The following CABLES1 variants were observed in gnomAD, a reference collection of about 807,000 sequenced individuals.
The protein encoded by CABLES1 is Cdk5 and Abl enzyme substrate 1.
In CABLES1, 36 loss-of-function variants were observed where a neutral mutation model predicts 57.8. The ratio of observed to expected loss-of-function variants is 0.62; its 90% CI spans 0.48 to 0.82. The LOEUF is 0.82. Among genes scored for constraint, CABLES1 ranks in the 40% least tolerant of loss-of-function variants. The probability of loss-of-function intolerance (pLI) is 0.00; values close to 1 mark genes in which losing one functional copy is unlikely to be tolerated. For missense variants in CABLES1, 767 were observed against 836.6 expected (o/e 0.92, Z 1.03); for synonymous variants, 374 against 363.0 (o/e 1.03, Z -0.35).
At chr18:23,255,557 AT>A (rs397858640) in intron 9 of CABLES1, among the ~76,000 whole-genome samples, 16,377 of 132,472 alleles carry the variant, frequency 0.12, 691 homozygotes, top group Middle Eastern at 0.21. Context: ...TGAACTAATG[AT>A]TTTTTTTTTT....
At position 23,237,036 on chromosome 18, in the gene CABLES1, C is replaced by A. The variant is rs568270483; in HGVS notation, c.1343-106C>A. On this transcript the variant is annotated intron_variant, in intron 6 of 9. Transcript: ENST00000256925. The stretch of plus-strand genomic sequence containing the variant: ...TGACGTTGAGCTAAGTGCCCTAAAG[C>A]CAGCCTTTCTTCATTCCAGCTATAC... The A allele has an allele frequency of 2.2e-4, 167 of 753,206 alleles. 3 individuals carry two copies. In the South Asian group the frequency reaches 2.4e-3, roughly 11 times the overall value. The allele number at this position is 753,206 out of a possible 1,614,324, so 46.7% of individuals were successfully genotyped here. A position where few individuals can be genotyped will look rare whatever the true frequency, so the allele number is the denominator to read the frequency against.
intron 4 of CABLES1, among the ~76,000 whole-genome samples, chr18:23,234,129 A>G (rs1201136944): frequency 6.6e-6 from 1 of 152,180 alleles, no homozygotes; most frequent in Non-Finnish European, 1.5e-5. Context: ...GAGGCAGAAG[A>G]ATCGCTTGAA....
intron 1 of CABLES1, among the ~76,000 whole-genome samples, chr18:23,166,611 A>G (rs1472770235): frequency 6.6e-6 from 1 of 152,218 alleles, no homozygotes; most frequent in East Asian, 1.9e-4. Flanking sequence ...GCATAAACCT[A>G]TCACCCAGAG....
chr18:23,161,760 A>C (rs1313206490), intron 1 of CABLES1, among the ~76,000 whole-genome samples: 4 of 148,668 alleles, frequency 2.7e-5, no homozygotes, highest in African/African-American at 4.9e-5. Context: ...AATCCAAAAA[A>C]AAAAAAAAAA....
chr18:23,247,233 G>A (rs1486296685), intron 7 of CABLES1, among the ~76,000 whole-genome samples: 1 of 152,238 alleles, frequency 6.6e-6, no homozygotes, highest in Non-Finnish European at 1.5e-5. Flanking sequence ...CCTCAAGACA[G>A]GATGTGCCGG....
intron 4 of CABLES1, among the ~76,000 whole-genome samples, chr18:23,228,862 G>A (rs562550131): frequency 6.6e-6 from 1 of 152,176 alleles, no homozygotes; most frequent in South Asian, 2.1e-4. Flanking sequence ...GCTCCTCTAG[G>A]TACATGTGGC....
intron 7 of CABLES1, among the ~76,000 whole-genome samples, chr18:23,245,229 C>T (rs550769648): frequency 9.9e-5 from 15 of 152,188 alleles, no homozygotes; most frequent in South Asian, 4.2e-4. Flanking sequence ...AAGGATGGGC[C>T]GGGCGTAGTG....
intron 4 of CABLES1, among the ~76,000 whole-genome samples, chr18:23,223,195 C>T (rs1442990359): frequency 6.6e-6 from 1 of 152,192 alleles, no homozygotes; most frequent in Non-Finnish European, 1.5e-5. Context: ...GTCTGAACAT[C>T]TCCAAACCAG....
intron 1 of CABLES1, among the ~76,000 whole-genome samples, chr18:23,155,000 G>C (rs2046956447): frequency 6.6e-6 from 1 of 152,180 alleles, no homozygotes; most frequent in Non-Finnish European, 1.5e-5. Flanking sequence ...ATTTGACCCT[G>C]TTTGCTACAA....
At chr18:23,214,906 G>A (rs1297232082) in intron 4 of CABLES1, among the ~76,000 whole-genome samples, 1 of 152,150 alleles carries the variant, frequency 6.6e-6, no homozygotes, top group Non-Finnish European at 1.5e-5. Context: ...CTCTACCCCA[G>A]GCCTTCCTGC....
At chr18:23,210,061 G>A (rs931983586) in intron 3 of CABLES1, among the ~76,000 whole-genome samples, 8 of 152,194 alleles carry the variant, frequency 5.3e-5, no homozygotes, top group Admixed American at 3.9e-4. Flanking sequence ...GTTAGCTTCC[G>A]AGCACTCATG....
chr18:23,134,808 T>G (rs2046805357), upstream of CABLES1: 1 of 152,180 alleles, frequency 6.6e-6, no homozygotes, highest in African/African-American at 2.4e-5. Flanking sequence ...CGTGAGTTCG[T>G]TGGCCACATG....
chr18:23,227,837 A>T (rs757003786), intron 4 of CABLES1, among the ~76,000 whole-genome samples: 2 of 152,232 alleles, frequency 1.3e-5, no homozygotes, highest in South Asian at 4.1e-4. Context: ...TTCTCTTTGA[A>T]GGGTCTGGAA....
intron 1 of CABLES1, chr18:23,156,028 C>T (rs897064987): frequency 7.9e-6 from 12 of 1,525,090 alleles, no homozygotes; most frequent in African/African-American, 5.5e-5. Context: ...TGGATGCTGA[C>T]GGTCTTTGTT....
rs145139241 is a variant in CABLES1 at position 23,138,555 on chromosome 18, C to T, written c.845+1948C>T. Among the ~76,000 whole-genome samples, 297 of 152,312 alleles carry T rather than the reference C, an allele frequency of 1.9e-3. 1 individual carries two copies. Among genetic ancestry groups the T allele is most frequent in the Non-Finnish European group, 3.2e-3 (221 of 68,026 alleles). On this transcript the variant is annotated intron_variant, in intron 1 of 9. Transcript: ENST00000256925. ...CACTGATTTAAGAAAGGCGGAAAGG[C>T]TAGCTTAGCTGTGGAGAGGCTGCAG... is the stretch of plus-strand genomic sequence containing the variant.
chr18:23,167,174 T>G (rs528436835), intron 1 of CABLES1, among the ~76,000 whole-genome samples: 1 of 152,326 alleles, frequency 6.6e-6, no homozygotes, highest in African/African-American at 2.4e-5. Flanking sequence ...ATTTTTATGT[T>G]TGCTTAATGG....
intron 4 of CABLES1, among the ~76,000 whole-genome samples, chr18:23,222,296 C>A (rs1463412779): frequency 2.0e-5 from 3 of 151,992 alleles, no homozygotes; most frequent in Admixed American, 1.3e-4. Context: ...CCTGTTCCCC[C>A]ACCCCCAGCT....
chr18:23,185,899 C>T (rs868433158), intron 1 of CABLES1, among the ~76,000 whole-genome samples: 15 of 152,138 alleles, frequency 9.9e-5, no homozygotes, highest in African/African-American at 3.6e-4. Flanking sequence ...AAGCTCAGAG[C>T]ATCATACAGA....
chr18:23,177,545 C>T lies in CABLES1; in HGVS notation c.846-11293C>T, dbSNP rs895794074. ...CTGTTGGGGTCTCTGTCCGGGTCCT[C>T]CTGGAGCCAAGCCTGGCCCTCTGAT... On this transcript the variant is annotated intron_variant, in intron 1 of 9. Coordinates refer to ENST00000256925, the MANE Select transcript of CABLES1 (RefSeq NM_001100619.3). Among the ~76,000 whole-genome samples the T allele has an allele frequency of 3.9e-4, 59 of 152,192 alleles. 1 individual carries two copies. Among genetic ancestry groups the T allele is most frequent in the Admixed American group, 3.9e-4 (6 of 15,286 alleles).
Sources: allele counts gnomAD v4.1 joint callset (sites outside exome capture counted in the v4.1 genomes callset), GRCh38; gene constraint gnomAD v4.1.1; transcripts MANE v1.5; gene names NCBI Gene and HGNC (gene_info 2026-07-23, HGNC 2026-07-21).